GSE1: variants seen among roughly 807,000 people sequenced by gnomAD.
GSE1 encodes the protein Gse1 coiled-coil protein, also known as genetic suppressor element 1.
A neutral mutation model predicts 112.6 loss-of-function variants in GSE1; 32 were observed. The ratio of observed to expected loss-of-function variants is 0.28; its 90% confidence interval spans 0.21 to 0.38. The LOEUF (loss-of-function observed/expected upper bound fraction) is 0.38, where lower values mean the gene tolerates loss of function less well. GSE1 is among the 10% of genes least tolerant of loss of function. GSE1 has a pLI of 1.00. For synonymous variants in GSE1, 1,115 were observed against 735.6 expected (o/e 1.52, Z -8.35); for missense variants, 2,348 against 1,699.2 (o/e 1.38, Z -6.71).
chr16:85,368,977 A>G (rs1280021066), intron 2 of GSE1, among the ~76,000 whole-genome samples: 1 of 151,642 alleles, frequency 6.6e-6, no homozygotes, highest in Non-Finnish European at 1.5e-5. Context: ...TGGAAACAGC[A>G]CTCTTCCTAG....
intron 1 of GSE1, among the ~76,000 whole-genome samples, chr16:85,560,627 G>A (rs1316874536): frequency 6.6e-6 from 1 of 152,132 alleles, no homozygotes; most frequent in Non-Finnish European, 1.5e-5. Context: ...GGCACAAGCT[G>A]TGGCCTCCAC....
chr16:85,326,822 G>T (rs892834928), intron 1 of GSE1, among the ~76,000 whole-genome samples: 3 of 152,256 alleles, frequency 2.0e-5, no homozygotes, highest in African/African-American at 7.2e-5. Flanking sequence ...GGTGCTAGAC[G>T]CTGTGGGGTC....
chr16:85,510,501 CT>C (rs1226964545), intron 2 of GSE1, among the ~76,000 whole-genome samples: 3 of 152,122 alleles, frequency 2.0e-5, no homozygotes, highest in Non-Finnish European at 4.4e-5. Context: ...GGCAGCCTTG[CT>C]TTGTGCCTGC....
At chr16:85,588,153 A>T (rs1329911394) in intron 1 of GSE1, among the ~76,000 whole-genome samples, 1 of 152,198 alleles carries the variant, frequency 6.6e-6, no homozygotes, top group African/African-American at 2.4e-5. Flanking sequence ...CCCTCTCCCC[A>T]GCTGGCCTCT....
At chr16:85,562,725 G>C (rs761645723) in intron 1 of GSE1, among the ~76,000 whole-genome samples, 11 of 152,198 alleles carry the variant, frequency 7.2e-5, no homozygotes, top group African/African-American at 2.2e-4. Flanking sequence ...ACACGTGTTG[G>C]GGGGAGCGGT....
At position 85,537,093 on chromosome 16, in the gene GSE1, C is replaced by T. The variant is rs146499557; in HGVS notation, c.2465-96821C>T. Among the ~76,000 whole-genome samples, 326 of 152,304 alleles carry T rather than the reference C, an allele frequency of 2.1e-3. 1 individual carries two copies. The highest frequency in any genetic ancestry group is 7.4e-3 in the African/African-American group (309 of 41,566). On this transcript the variant is annotated intron_variant, in intron 2 of 2. Coordinates refer to the GSE1 transcript ENST00000637419. ...CTCCAGTGAAGCCGAGATGCAGAAG[C>T]GAGACAGGAGGGAGATTCCAGCTGC... is the stretch of plus-strand genomic sequence containing the variant.
At chr16:85,502,243 G>C (rs1432036847) in intron 2 of GSE1, among the ~76,000 whole-genome samples, 1 of 152,204 alleles carries the variant, frequency 6.6e-6, no homozygotes, top group Non-Finnish European at 1.5e-5. Flanking sequence ...TCGTGCGTGA[G>C]GTTGTAGGAC....
intron 1 of GSE1, among the ~76,000 whole-genome samples, chr16:85,600,179 A>T (rs2047401028): frequency 6.6e-6 from 1 of 152,102 alleles, no homozygotes; most frequent in Non-Finnish European, 1.5e-5. Context: ...TTAAGGTGCC[A>T]CCTTGGGTTA....
chr16:85,671,071 G>T lies in GSE1; in HGVS notation c.3492G>T (p.Thr1164=), dbSNP rs564828661. The change falls in exon 15 of 16, where the codon ACG becomes ACT. Residue 1164 remains threonine (T), a synonymous_variant. Coordinates refer to ENST00000253458, the MANE Select transcript of GSE1 (RefSeq NM_014615.5). ...LEARHYSLSL[T]AEQLSHSVAE... ...CCCGGCACTACAGCCTCAGCCTGAC[G>T]GCAGAGCAGCTCTCCCACAGCGTGG... 1 of 1,608,790 alleles carries T rather than the reference G, an allele frequency of 6.2e-7. No homozygotes were observed. Among genetic ancestry groups the T allele is most frequent in the Non-Finnish European group, 8.5e-7 (1 of 1,175,270 alleles).
chr16:85,498,796 C>G (rs959844243), intron 2 of GSE1, among the ~76,000 whole-genome samples: 9 of 152,358 alleles, frequency 5.9e-5, no homozygotes, highest in Admixed American at 2.0e-4. Flanking sequence ...GTGGCACAGG[C>G]AGGCCTCACT....
chr16:85,231,213 A>C (rs1026106805), intron 1 of GSE1, among the ~76,000 whole-genome samples: 1 of 147,168 alleles, frequency 6.8e-6, no homozygotes. Flanking sequence ...GGACAGAAGG[A>C]TAGATGGATG....
chr16:85,344,612 C>G (rs2046695438), intron 1 of GSE1, among the ~76,000 whole-genome samples: 1 of 152,254 alleles, frequency 6.6e-6, no homozygotes, highest in Non-Finnish European at 1.5e-5. Context: ...CTTCACAACA[C>G]AGACTCATTG....
chr16:85,434,575 G>T (rs1189880087), intron 2 of GSE1, among the ~76,000 whole-genome samples: 2 of 152,064 alleles, frequency 1.3e-5, no homozygotes, highest in Non-Finnish European at 2.9e-5. Flanking sequence ...CCCAGCACTT[G>T]GGGAGGCTGA....
intron 2 of GSE1, among the ~76,000 whole-genome samples, chr16:85,412,911 C>T (rs574100923): frequency 2.2e-4 from 33 of 152,326 alleles, no homozygotes; most frequent in African/African-American, 7.7e-4. Flanking sequence ...TGATCCAGCC[C>T]ACCCCAGCCC....
intron 1 of GSE1, among the ~76,000 whole-genome samples, chr16:85,194,608 T>C (rs2074892270): frequency 1.3e-5 from 2 of 152,066 alleles, no homozygotes; most frequent in Non-Finnish European, 2.9e-5. Flanking sequence ...ACTCGAGTGT[T>C]GGGATTTTTT....
At chr16:85,657,222 G>T in intron 7 of GSE1, 55 bp from the exon 8 acceptor site, 2 of 1,223,668 alleles carry the variant, frequency 1.6e-6, no homozygotes, top group Non-Finnish European at 1.1e-6. Context: ...GGACGGGGAG[G>T]GAGCATGCTG....
intron 1 of GSE1, among the ~76,000 whole-genome samples, chr16:85,219,786 C>G (rs1044793089): frequency 1.4e-4 from 21 of 152,230 alleles, no homozygotes; most frequent in African/African-American, 4.8e-4. Flanking sequence ...GACTATGGGA[C>G]CACCAGCTTT....
At chr16:85,179,396 A>G (rs1477437242) in intron 1 of GSE1, among the ~76,000 whole-genome samples, 4 of 152,160 alleles carry the variant, frequency 2.6e-5, no homozygotes, top group East Asian at 1.9e-4. Flanking sequence ...TGTGTCCCCA[A>G]CATCAGACCG....
rs769043687 is a variant in GSE1 at position 85,663,588 on chromosome 16, C to G, written c.2618C>G (p.Thr873Ser). 5 of 1,613,802 alleles carry G rather than the reference C, an allele frequency of 3.1e-6. No homozygotes were observed. The highest frequency in any genetic ancestry group is 1.3e-5 in the African/African-American group (1 of 74,870). The change falls in exon 11 of 16, where the codon ACC (threonine) becomes AGC (serine). Residue 873 changes from threonine (T) to serine (S), a missense_variant. By Grantham distance (58) the Thr-to-Ser change is moderately conservative. Coordinates refer to ENST00000253458, the MANE Select transcript of GSE1 (RefSeq NM_014615.5). ...AAGTTCCTGACCATCTTCAACCTGA[C>G]CCACATCAGCGCTGAGAAGAGGAAA... ...KKKFLTIFNLTHISAEKRKDK... is the reference protein window; with the variant it reads ...KKKFLTIFNLSHISAEKRKDK...
Sources: gnomAD v4.1 joint callset for allele counts (sites outside exome capture counted in the v4.1 genomes callset) on GRCh38, gnomAD v4.1.1 for gene constraint, MANE v1.5 for transcripts, NCBI Gene and HGNC (gene_info 2026-07-23, HGNC 2026-07-21) for gene names.